RANBP2: variants seen among roughly 807,000 people sequenced by gnomAD.
RANBP2 encodes E3 SUMO-protein ligase RanBP2.
A neutral mutation model predicts 303.6 loss-of-function variants in RANBP2; 57 were observed. That is an observed-to-expected ratio of 0.19 (90% confidence interval 0.15 to 0.23). The LOEUF (loss-of-function observed/expected upper bound fraction) is 0.23. Among genes scored for constraint, RANBP2 ranks in the 10% least tolerant of loss-of-function variants. The probability of loss-of-function intolerance (pLI) is 1.00; values close to 1 mark genes in which losing one functional copy is unlikely to be tolerated. For synonymous variants in RANBP2, 1,167 were observed against 1,301.5 expected, an observed-to-expected ratio of 0.90 and a Z score of 2.23; for missense variants, 3,138 against 3,780.8, an observed-to-expected ratio of 0.83 and a Z score of 4.46.
chr2:109,147,788 C>T, the RANBP2 span, among the ~76,000 whole-genome samples: 3 of 152,122 alleles, frequency 2.0e-5, no homozygotes, highest in African/African-American at 7.2e-5. Flanking sequence ...TAAAATATCC[C>T]GAATTGGAGC....
the RANBP2 span, among the ~76,000 whole-genome samples, chr2:109,238,216 A>G: frequency 1.3e-5 from 2 of 152,132 alleles, no homozygotes; most frequent in African/African-American, 4.8e-5. Flanking sequence ...AAAATAATAA[A>G]ATAAAATGGT....
At chr2:109,178,145 C>T in the RANBP2 span, among the ~76,000 whole-genome samples, 1 of 152,086 alleles carries the variant, frequency 6.6e-6, no homozygotes, top group Non-Finnish European at 1.5e-5. Context: ...ACAAACCTAC[C>T]CTTTCTTAGG....
chr2:109,353,458 G>A, the RANBP2 span, among the ~76,000 whole-genome samples: 1,908 of 152,322 alleles, frequency 0.013, 41 homozygotes, highest in African/African-American at 0.038. Flanking sequence ...TCATAGTCAC[G>A]TGACACCGCC....
the RANBP2 span, among the ~76,000 whole-genome samples, chr2:109,412,615 G>A: frequency 2.6e-5 from 4 of 152,182 alleles, no homozygotes; most frequent in Non-Finnish European, 1.5e-5. Flanking sequence ...TCAGCTCCCA[G>A]GATCCCCTGA....
the RANBP2 span, among the ~76,000 whole-genome samples, chr2:109,163,826 A>G: frequency 0.03 from 4,523 of 152,236 alleles, 211 homozygotes; most frequent in African/African-American, 0.1. Flanking sequence ...CCCTCCAAAC[A>G]ATGTGTTTTC....
chr2:108,860,971 A>G, the RANBP2 span, among the ~76,000 whole-genome samples: 2 of 64,958 alleles, frequency 3.1e-5, no homozygotes, highest in East Asian at 1.2e-3. Flanking sequence ...TTGGTAAGGT[A>G]AGGATTCAAT....
At chr2:108,776,653 C>T (rs1677913467) in intron 24 of RANBP2, among the ~76,000 whole-genome samples, 1 of 152,158 alleles carries the variant, frequency 6.6e-6, no homozygotes, top group Non-Finnish European at 1.5e-5. Flanking sequence ...AGAGATCATG[C>T]AGCTTCACAT....
At chr2:108,787,214 C>G (rs961568051), downstream of RANBP2, among the ~76,000 whole-genome samples, 1 of 152,170 alleles carries the variant, frequency 6.6e-6, no homozygotes, top group Non-Finnish European at 1.5e-5. Flanking sequence ...GTTGTGAAAA[C>G]AATTGAATTG....
chr2:108,787,711 G>GT (rs201977919), downstream of RANBP2, among the ~76,000 whole-genome samples: 234 of 147,790 alleles, frequency 1.6e-3, no homozygotes, highest in Admixed American at 5.1e-3. Flanking sequence ...CTGTAAGGTT[G>GT]TTTTTTTTTT....
the RANBP2 span, among the ~76,000 whole-genome samples, chr2:109,627,377 A>G: frequency 0.017 from 2,550 of 152,098 alleles, 69 homozygotes; most frequent in African/African-American, 0.058. Context: ...TTGTATTTTT[A>G]GTAGAGATGG....
the RANBP2 span, among the ~76,000 whole-genome samples, chr2:109,063,987 G>T: frequency 6.6e-6 from 1 of 152,126 alleles, no homozygotes; most frequent in Non-Finnish European, 1.5e-5. Flanking sequence ...CAGCCATCAT[G>T]TCCGTTTCAT....
chr2:109,378,645 GT>G, the RANBP2 span, among the ~76,000 whole-genome samples: 1 of 152,190 alleles, frequency 6.6e-6, no homozygotes, highest in Admixed American at 6.5e-5. Context: ...TCAGTTTGGT[GT>G]TTTTGAGGCT....
chr2:109,672,211 G>A, the RANBP2 span, among the ~76,000 whole-genome samples: 3 of 152,162 alleles, frequency 2.0e-5, no homozygotes, highest in Non-Finnish European at 2.9e-5. Flanking sequence ...TTAATGCATT[G>A]TAAGTTGTTA....
At chr2:109,130,006 G>A in the RANBP2 span, 24 of 1,299,696 alleles carry the variant, frequency 1.8e-5, no homozygotes, top group South Asian at 1.2e-4. Context: ...CGGGGGCGGC[G>A]CGGCAGGCAG....
At chr2:109,318,710 G>A in the RANBP2 span, among the ~76,000 whole-genome samples, 3 of 152,110 alleles carry the variant, frequency 2.0e-5, no homozygotes, top group Admixed American at 6.5e-5. Flanking sequence ...CCAGAATCCG[G>A]GGCTGCCCTG....
the RANBP2 span, among the ~76,000 whole-genome samples, chr2:109,150,399 G>A: frequency 4.9e-4 from 75 of 152,252 alleles, no homozygotes; most frequent in African/African-American, 1.6e-3. Context: ...GATGATAGTC[G>A]AAGCCATTTT....
the RANBP2 span, among the ~76,000 whole-genome samples, chr2:109,379,289 C>T: frequency 2.6e-5 from 4 of 152,246 alleles, no homozygotes; most frequent in Admixed American, 2.6e-4. Context: ...ATCTCTCCAG[C>T]TTCAGTGCCA....
the RANBP2 span, among the ~76,000 whole-genome samples, chr2:109,163,129 GC>G: frequency 6.6e-6 from 1 of 152,188 alleles, no homozygotes; most frequent in Non-Finnish European, 1.5e-5. Context: ...CAGTGGAATT[GC>G]AGGACCCAGC....
intron 1 of RANBP2, among the ~76,000 whole-genome samples, chr2:108,726,870 C>T (rs901031374): frequency 2.0e-4 from 30 of 152,066 alleles, no homozygotes; most frequent in Non-Finnish European, 3.8e-4. Context: ...ATCTGTTTAA[C>T]AAAGCACATC....
Sources: allele counts gnomAD v4.1 joint callset (sites outside exome capture counted in the v4.1 genomes callset), GRCh38; gene constraint gnomAD v4.1.1; transcripts MANE v1.5; gene names NCBI Gene and HGNC (gene_info 2026-07-23, HGNC 2026-07-21).